The following MKLN1 variants were observed in gnomAD, a reference collection of about 807,000 sequenced individuals.
The protein encoded by MKLN1 is muskelin 1.
A neutral mutation model predicts 99.0 loss-of-function variants in MKLN1; 18 were observed. The ratio of observed to expected loss-of-function variants is 0.18; its 90% CI spans 0.13 to 0.27. MKLN1 has a LOEUF of 0.27. Ranked by LOEUF, MKLN1 falls within the 10% of genes least tolerant of loss-of-function variation. The pLI is 1.00. For missense variants in MKLN1, 621 were observed against 875.9 expected (o/e 0.71, Z 3.67); for synonymous variants, 288 against 293.2 (o/e 0.98, Z 0.18).
intron 2 of MKLN1, among the ~76,000 whole-genome samples, chr7:131,175,622 C>T (rs930886732): frequency 6.6e-6 from 1 of 152,208 alleles, no homozygotes; most frequent in African/African-American, 2.4e-5. Flanking sequence ...TACAAATAGG[C>T]CGGGCCCAGT....
rs547633359 is a variant in MKLN1, at chr7:131,125,985, G to A, written c.-419+15778G>A. On this transcript the variant is annotated intron_variant, in intron 1 of 7. Transcript: ENST00000416992. The stretch of plus-strand genomic sequence containing the variant: ...CACGCCACTGCACTCCAGCCTGGGC[G>A]ACAGAGCGAGACTCCGTCTCAAAAA... Among the ~76,000 whole-genome samples the A allele has an allele frequency of 1.7e-4, 25 of 143,832 alleles. No individual in the cohort carries two copies. The South Asian group carries it at 4.9e-3, about 28-fold the overall frequency. 94.4% of individuals were successfully genotyped at this position (143,832 alleles called of 152,430 possible). A position where few individuals can be genotyped will look rare whatever the true frequency, so the allele number is the denominator to read the frequency against.
Position 131,437,832 on chromosome 7 carries a change from A to T in MKLN1, c.1008A>T (p.Gln336His), listed in dbSNP as rs774517935. The T allele has an allele frequency of 2.5e-6, 4 of 1,612,444 alleles. No individual in the cohort carries two copies. The African/African-American group carries it at 5.4e-5, about 22-fold the overall frequency. ...RSCHKMCIDIQRRQIYTLGRY... is the reference protein window; with the variant it reads ...RSCHKMCIDIHRRQIYTLGRY... ...GTCATAAAATGTGCATTGATATTCA[A>T]CGGAGGCAAATCTACACATTGGGGC... Residue 336 changes from glutamine (Q) to histidine (H), a missense_variant, in exon 10 of 18, where the codon CAA becomes CAT. Around this residue, in one of 8 missense-constraint regions of MKLN1, gnomAD observed 361 missense variants for 540.8 expected, o/e 0.67. Transcript: ENST00000352689.
rs191693827 is a variant in MKLN1 at position 131,259,989 on chromosome 7, T to G, written c.-179+57015T>G. On this transcript the variant is annotated intron_variant, in intron 3 of 7. Coordinates refer to the MKLN1 transcript ENST00000416992. ...GCCCAAAAGCTCCTAGATCTCTAGA[T>G]CTGATAAATAACCTCAGCAAAGTTT... Among the ~76,000 whole-genome samples, 14 of 152,256 alleles carry G rather than the reference T, an allele frequency of 9.2e-5. No individual in the cohort carries two copies. The East Asian group carries it at 2.7e-3, about 29-fold the overall frequency.
In MKLN1 at chr7:131,192,162, CTTA is replaced by C; in HGVS notation, c.-296-10693_-296-10691del. Reference sequence around the variant, plus strand: ...ATATATACGTATATATACATATATACTTATGTATAATATATAAAAATATATAAA... The same window carrying C: ...ATATATACGTATATATACATATATACTGTATAATATATAAAAATATATAAA... On this transcript the variant is annotated intron_variant, in intron 2 of 7. Coordinates refer to the MKLN1 transcript ENST00000416992. Among the ~76,000 whole-genome samples, 2 of 105,254 alleles carry C rather than the reference CTTA, an allele frequency of 1.9e-5. 1 individual carries two copies. The highest frequency in any genetic ancestry group is 8.9e-5 in the African/African-American group (2 of 22,568). The allele number at this position is 105,254 out of a possible 152,430, so 69.1% of individuals were successfully genotyped here. A position where few individuals can be genotyped will look rare whatever the true frequency, so the allele number is the denominator to read the frequency against.
At chr7:131,112,099 T>C (rs1448099893) in intron 1 of MKLN1, among the ~76,000 whole-genome samples, 1 of 152,204 alleles carries the variant, frequency 6.6e-6, no homozygotes, top group Non-Finnish European at 1.5e-5. Context: ...CCTATGTAAA[T>C]AGGTGGATTC....
intron 1 of MKLN1, among the ~76,000 whole-genome samples, chr7:131,111,769 C>CATAA (rs56257390): frequency 7.9e-4 from 120 of 151,386 alleles, no homozygotes; most frequent in African/African-American, 2.7e-3. Context: ...AAATGAAACG[C>CATAA]ATAAATAAAT....
At chr7:131,315,778 G>A (rs1798656762) in intron 3 of MKLN1, among the ~76,000 whole-genome samples, 1 of 152,180 alleles carries the variant, frequency 6.6e-6, no homozygotes, top group African/African-American at 2.4e-5. Context: ...TAAGGAGACT[G>A]GGAGGTTTGG....
intron 2 of MKLN1, among the ~76,000 whole-genome samples, chr7:131,159,644 G>T (rs1171692428): frequency 6.6e-6 from 1 of 151,994 alleles, no homozygotes; most frequent in African/African-American, 2.4e-5. Flanking sequence ...ATAAATTATA[G>T]TATTCAGCAG....
intron 1 of MKLN1, among the ~76,000 whole-genome samples, chr7:131,126,727 C>T (rs59629920): frequency 0.99 from 150,793 of 152,312 alleles, 74,671 homozygotes; most frequent in Middle Eastern, 1. Flanking sequence ...CTAAATTTTG[C>T]ATTTTTAGTA....
chr7:131,350,500 A>G (rs1451647228), intron 1 of MKLN1, among the ~76,000 whole-genome samples: 2 of 152,232 alleles, frequency 1.3e-5, no homozygotes, highest in Admixed American at 1.3e-4. Context: ...GCTACAGTCA[A>G]GATGTTGGCT....
intron 3 of MKLN1, among the ~76,000 whole-genome samples, chr7:131,255,880 CTATT>C (rs3077583): frequency 0.1 from 13,842 of 135,254 alleles, 1,018 homozygotes; most frequent in East Asian, 0.33. Context: ...TGTGCCCGAC[CTATT>C]TATTTATTTA....
intron 1 of MKLN1, among the ~76,000 whole-genome samples, chr7:131,358,398 TG>T (rs1430103813): frequency 1.3e-5 from 2 of 152,202 alleles, no homozygotes; most frequent in Non-Finnish European, 2.9e-5. Context: ...TATTGTGGTG[TG>T]TAATTATTTG....
intron 2 of MKLN1, among the ~76,000 whole-genome samples, chr7:131,202,641 C>G (rs778489964): frequency 1.8e-4 from 28 of 152,106 alleles, no homozygotes; most frequent in Non-Finnish European, 2.5e-4. Flanking sequence ...CCATTAGATG[C>G]CAGTAGTACC....
At chr7:131,111,022 A>G (rs1301316305) in intron 1 of MKLN1, among the ~76,000 whole-genome samples, 4 of 152,248 alleles carry the variant, frequency 2.6e-5, no homozygotes, top group Admixed American at 1.3e-4. Context: ...CTTGGCACGT[A>G]GGAACATTAC....
chr7:131,439,075 G>C (rs1013825372), intron 10 of MKLN1, among the ~76,000 whole-genome samples: 7 of 152,184 alleles, frequency 4.6e-5, no homozygotes, highest in African/African-American at 1.7e-4. Flanking sequence ...GCTTAAATTT[G>C]GAACTTCTGT....
intron 3 of MKLN1, among the ~76,000 whole-genome samples, chr7:131,224,183 C>T (rs1394348073): frequency 2.6e-5 from 4 of 152,214 alleles, no homozygotes; most frequent in African/African-American, 4.8e-5. Context: ...GACAATCAAT[C>T]GCTTGAGGCC....
chr7:131,358,752 T>C (rs1240570571), intron 1 of MKLN1, among the ~76,000 whole-genome samples: 1 of 152,172 alleles, frequency 6.6e-6, no homozygotes, highest in Non-Finnish European at 1.5e-5. Context: ...CGACTTTTGG[T>C]AGTTTGTATC....
At chr7:131,179,476 G>A (rs1226895291) in intron 2 of MKLN1, among the ~76,000 whole-genome samples, 1 of 152,196 alleles carries the variant, frequency 6.6e-6, no homozygotes, top group African/African-American at 2.4e-5. Flanking sequence ...TATCAAGAGT[G>A]ACAAGGCAAA....
intron 3 of MKLN1, among the ~76,000 whole-genome samples, chr7:131,319,628 T>A (rs1798736080): frequency 6.6e-6 from 1 of 152,152 alleles, no homozygotes; most frequent in Non-Finnish European, 1.5e-5. Flanking sequence ...TAAAGGGTAT[T>A]CAAATAGAAA....
Sources: allele counts gnomAD v4.1 joint callset (sites outside exome capture counted in the v4.1 genomes callset), GRCh38; gene constraint gnomAD v4.1.1; regional missense constraint gnomAD v4.1.1; transcripts MANE v1.5; gene names NCBI Gene and HGNC (gene_info 2026-07-23, HGNC 2026-07-21).